FNDC1: variants seen among roughly 807,000 people sequenced by gnomAD.
The protein encoded by FNDC1 is fibronectin type III domain containing 1, also known as fibronectin type III domain-containing protein 1.
Under a neutral mutation model 168.0 loss-of-function variants are expected in FNDC1, and 96 were observed. The observed-to-expected ratio is 0.57, with a 90% confidence interval of 0.48 to 0.68. The LOEUF is 0.68. Ranked by LOEUF, FNDC1 falls within the 30% of genes least tolerant of loss-of-function variation. The pLI is 0.00. For synonymous variants in FNDC1, 1,099 were observed against 1,025.9 expected, an observed-to-expected ratio of 1.07 and a Z score of -1.36; for missense variants, 2,587 against 2,482.1, an observed-to-expected ratio of 1.04 and a Z score of -0.90.
In FNDC1 at chr6:159,177,890, G is replaced by A. The variant is rs543830426; in HGVS notation, c.109+8185G>A. 3.9e-5 allele frequency among the ~76,000 whole-genome samples: 6 copies of A among 152,256 alleles called. No homozygotes were observed. The South Asian group carries it at 1.2e-3, about 32-fold the overall frequency. ...TGCCCATTCCCCCGCAGACATAAAG[G>A]TCGGTGGTTTGGACTTCACCCTAGG... On this transcript the variant is annotated intron_variant, in intron 1 of 22. Transcript: ENST00000297267.
chr6:159,262,647 T>C (rs1213709583), intron 19 of FNDC1, among the ~76,000 whole-genome samples: 1 of 152,230 alleles, frequency 6.6e-6, no homozygotes, highest in East Asian at 1.9e-4. Flanking sequence ...ATCTGAAATC[T>C]TTCTGAGAGT....
intron 1 of FNDC1, among the ~76,000 whole-genome samples, chr6:159,180,060 A>G (rs571660336): frequency 6.6e-6 from 1 of 152,310 alleles, no homozygotes; most frequent in African/African-American, 2.4e-5. Context: ...GTAATAAAAT[A>G]CCACAAACTG....
intron 1 of FNDC1, among the ~76,000 whole-genome samples, chr6:159,193,738 C>G (rs1317084423): frequency 6.6e-6 from 1 of 152,222 alleles, no homozygotes; most frequent in Admixed American, 6.5e-5. Flanking sequence ...AGTCATGGAT[C>G]CATACTTTGA....
intron 5 of FNDC1, among the ~76,000 whole-genome samples, chr6:159,215,757 A>T (rs1321127536): frequency 6.6e-6 from 1 of 152,196 alleles, no homozygotes; most frequent in Non-Finnish European, 1.5e-5. Context: ...GGCAGGAAGC[A>T]TCCAGCACAG....
At chr6:159,217,146 G>T (rs1412921252) in intron 5 of FNDC1, among the ~76,000 whole-genome samples, 3 of 152,232 alleles carry the variant, frequency 2.0e-5, no homozygotes, top group Non-Finnish European at 4.4e-5. Context: ...ACAAGGAGGG[G>T]GATGGGCAGT....
At chr6:159,176,268 C>CCATTCATT (rs142029869) in intron 1 of FNDC1, among the ~76,000 whole-genome samples, 2 of 152,234 alleles carry the variant, frequency 1.3e-5, no homozygotes, top group Admixed American at 6.5e-5. Flanking sequence ...TGAAGGAGGT[C>CCATTCATT]CATTCATTCA....
chr6:159,258,690 GGT>G (rs1777421454), intron 18 of FNDC1, among the ~76,000 whole-genome samples: 1 of 152,204 alleles, frequency 6.6e-6, no homozygotes, highest in South Asian at 2.1e-4. Flanking sequence ...GTGCTCTTCT[GGT>G]AGAGACGCTG....
Position 159,251,535 on chromosome 6 carries a change from G to C in FNDC1, c.5065+3G>C, listed in dbSNP as rs1303604146. ...CACCCCAGGAGATGTGGTCACAGGTGTGTCCTAAGCAGAAATCAGAGTTCC... is the reference window on the plus strand; with the variant it reads ...CACCCCAGGAGATGTGGTCACAGGTCTGTCCTAAGCAGAAATCAGAGTTCC... On this transcript the variant is annotated splice_donor_region_variant and intron_variant, in intron 17 of 22. Transcript: ENST00000297267. 3 of 1,611,734 alleles carry C rather than the reference G, an allele frequency of 1.9e-6. No individual in the cohort carries two copies. In the Admixed American group the frequency reaches 5.0e-5, roughly 27 times the overall value.
chr6:159,192,158 G>A (rs364581), intron 1 of FNDC1, among the ~76,000 whole-genome samples: 43,337 of 151,994 alleles, frequency 0.29, 7,629 homozygotes, highest in East Asian at 0.63. Flanking sequence ...GATAACCTAC[G>A]TGAGCCACCA....
chr6:159,186,791 T>G (rs1782010012), intron 1 of FNDC1, among the ~76,000 whole-genome samples: 1 of 152,172 alleles, frequency 6.6e-6, no homozygotes, highest in African/African-American at 2.4e-5. Context: ...CAAATGCCAT[T>G]TAAGGATTGG....
At chr6:159,253,728 A>G (rs1777318669) in intron 17 of FNDC1, among the ~76,000 whole-genome samples, 1 of 152,210 alleles carries the variant, frequency 6.6e-6, no homozygotes, top group African/African-American at 2.4e-5. Flanking sequence ...AGAACAACAG[A>G]GAGATCAGGA....
chr6:159,195,128 G>A (rs1782217829), intron 1 of FNDC1, among the ~76,000 whole-genome samples: 1 of 152,044 alleles, frequency 6.6e-6, no homozygotes, highest in African/African-American at 2.4e-5. Flanking sequence ...TGACGGTAAG[G>A]TTGCCTGTAG....
chr6:159,193,542 TG>T (rs1308431102), intron 1 of FNDC1, among the ~76,000 whole-genome samples: 4 of 152,166 alleles, frequency 2.6e-5, no homozygotes, highest in Non-Finnish European at 4.4e-5. Context: ...TCTACTATGA[TG>T]AACAGACCCT....
intron 4 of FNDC1, among the ~76,000 whole-genome samples, chr6:159,209,572 C>G (rs1443889646): frequency 3.9e-5 from 6 of 152,166 alleles, no homozygotes; most frequent in Non-Finnish European, 7.4e-5. Context: ...CCCAGGATGT[C>G]AGGCAGGATC....
Position 159,229,848 on chromosome 6 carries a change from C to T in FNDC1, c.1214C>T (p.Pro405Leu), listed in dbSNP as rs777538821. The change falls in exon 10 of 23, where the codon CCA (proline) becomes CTA (leucine). Residue 405 changes from proline to leucine, a missense_variant. Coordinates refer to ENST00000297267, the MANE Select transcript of FNDC1 (RefSeq NM_032532.3). ...CTTTCATACGCCCCGGCTCTCAAACCATTTGGAGCAAAGTCCCTCACCTAT... is the reference window on the plus strand; with the variant it reads ...CTTTCATACGCCCCGGCTCTCAAACTATTTGGAGCAAAGTCCCTCACCTAT... ...YILSYAPALK[P>L]FGAKSLTYPG... 9.9e-6 allele frequency: 16 copies of T among 1,613,198 alleles called. No individual in the cohort carries two copies. The highest frequency in any genetic ancestry group is 1.4e-5 in the Non-Finnish European group (16 of 1,179,542).
chr6:159,222,664 C>A (rs2782552), intron 6 of FNDC1, among the ~76,000 whole-genome samples: 58,282 of 152,066 alleles, frequency 0.38, 14,273 homozygotes, highest in East Asian at 0.73. Context: ...GGCAAACTGA[C>A]TTCTAGTTCA....
intron 6 of FNDC1, among the ~76,000 whole-genome samples, chr6:159,223,274 G>A (rs1014336382): frequency 2.0e-5 from 3 of 152,150 alleles, no homozygotes; most frequent in Non-Finnish European, 4.4e-5. Context: ...GGGATTACAG[G>A]CGTGAACCAC....
chr6:159,221,714 C>A lies in FNDC1; in HGVS notation c.766+18C>A. Reference sequence around the variant, plus strand: ...GATTTCAGGTATGTTTCTAAGGATGCATTTGGTCAAACCATAGTCTGGTAT... The same window carrying A: ...GATTTCAGGTATGTTTCTAAGGATGAATTTGGTCAAACCATAGTCTGGTAT... On this transcript the variant is annotated intron_variant, in intron 6 of 22. Coordinates refer to ENST00000297267, the MANE Select transcript of FNDC1 (RefSeq NM_032532.3). 6.3e-7 allele frequency: 1 copy of A among 1,586,114 alleles called. No homozygotes were observed.
chr6:159,248,919 GTGTGTC>G (rs772142411), intron 15 of FNDC1, 114 bp from the exon 16 acceptor site: 12 of 806,448 alleles, frequency 1.5e-5, no homozygotes, highest in South Asian at 2.0e-5. Context: ...GTGTGTGTGT[GTGTGTC>G]TGTCTGTCTG....
Sources: allele counts gnomAD v4.1 joint callset (sites outside exome capture counted in the v4.1 genomes callset), GRCh38; gene constraint gnomAD v4.1.1; transcripts MANE v1.5; gene names NCBI Gene and HGNC (gene_info 2026-07-23, HGNC 2026-07-21).